The following HNRNPA2B1 variants were observed in gnomAD, a reference collection of about 807,000 sequenced individuals.
The protein encoded by HNRNPA2B1 is heterogeneous nuclear ribonucleoprotein A2/B1.
In HNRNPA2B1, 3 loss-of-function variants were observed where a neutral mutation model predicts 46.3. The ratio of observed to expected loss-of-function variants is 0.06; its 90% confidence interval spans 0.03 to 0.17. The LOEUF (loss-of-function observed/expected upper bound fraction) is 0.17, where lower values mean the gene tolerates loss of function less well. HNRNPA2B1 is among the 10% of genes least tolerant of loss of function. The pLI is 1.00. For missense variants in HNRNPA2B1, 221 were observed against 418.9 expected (o/e 0.53, Z 4.12); for synonymous variants, 225 against 133.8 (o/e 1.68, Z -4.70).
At chr7:26,197,062 C>G (rs776532421) in intron 3 of HNRNPA2B1, 45 bp from the exon 4 acceptor site, 3 of 1,479,992 alleles carry the variant, frequency 2.0e-6, no homozygotes, top group Non-Finnish European at 2.8e-6. Flanking sequence ...GAAAAAAACA[C>G]AAGCATAATT....
In HNRNPA2B1 at chr7:26,197,323, C is replaced by T; in HGVS notation, c.256G>A (p.Ala86Thr). Residue 86 changes from alanine to threonine, a missense_variant, in exon 3 of 11, where the codon GCA becomes ACA. Physicochemically the swap from Ala to Thr is moderately conservative, Grantham distance 58 (BLOSUM62 0). This residue lies in a region of HNRNPA2B1 where 78 missense variants were observed against 218.5 expected (regional missense o/e 0.36). Coordinates refer to ENST00000618183, the MANE Select transcript of HNRNPA2B1 (RefSeq NM_002137.4). The part of the protein sequence containing the change: ...GRVVEPKRAV[A>T]REESGKPGAH... ...AGTCATTGTTTGCTTACCTCTCTTG[C>T]TACAGCACGTTTTGGCTCAACTACT... 1 of 1,611,402 alleles carries T rather than the reference C, an allele frequency of 6.2e-7. No individual in the cohort carries two copies. Among genetic ancestry groups the T allele is most frequent in the Non-Finnish European group, 8.5e-7 (1 of 1,178,390 alleles).
At chr7:26,194,904 A>G (rs1193427544) in intron 7 of HNRNPA2B1, among the ~76,000 whole-genome samples, 1 of 151,432 alleles carries the variant, frequency 6.6e-6, no homozygotes, top group African/African-American at 2.4e-5. Context: ...GACCAGCCTG[A>G]CCAACATGGG....
chr7:26,193,345 A>G lies in HNRNPA2B1; in HGVS notation c.870T>C (p.Asp290=). ...AAGGTTGCTGGTTATAATTTCCAAA[A>G]TCATTGTAATTTCCACTTCCATAAT... The part of the protein sequence containing the change: ...GGNYGSGNYN[D]FGNYNQQPSN... The change falls in exon 9 of 11, where the codon GAT becomes GAC. Residue 290 remains aspartate, a synonymous_variant. Transcript: ENST00000618183. The G allele has an allele frequency of 1.9e-6, 3 of 1,612,072 alleles. No homozygotes were observed. The highest frequency in any genetic ancestry group is 1.7e-6 in the Non-Finnish European group (2 of 1,178,244).
intron 10 of HNRNPA2B1, 66 bp downstream of exon 10, chr7:26,192,429 A>T (rs1016183416): frequency 6.7e-6 from 7 of 1,046,360 alleles, no homozygotes; most frequent in Non-Finnish European, 1.0e-5. Context: ...TGATCCTAAA[A>T]AGCTTTTACT....
intron 6 of HNRNPA2B1, among the ~76,000 whole-genome samples, 187 bp from the exon 7 acceptor site, chr7:26,196,096 T>C (rs1370493199): frequency 1.3e-5 from 2 of 152,228 alleles, no homozygotes; most frequent in African/African-American, 4.8e-5. Context: ...AATTTTGGAC[T>C]CTTAACAAGT....
intron 7 of HNRNPA2B1, 190 bp downstream of exon 7, chr7:26,195,657 G>A (rs1246692708): frequency 3.5e-6 from 2 of 563,602 alleles, no homozygotes; most frequent in Non-Finnish European, 6.2e-6. Flanking sequence ...CATTTAAAAT[G>A]GCACTCTATT....
intron 7 of HNRNPA2B1, 90 bp from the exon 8 acceptor site, chr7:26,193,784 T>C (rs561875273): frequency 1.8e-6 from 2 of 1,102,312 alleles, no homozygotes; most frequent in East Asian, 5.0e-5. Flanking sequence ...CTTTCCAAGT[T>C]TCCATGTGAA....
intron 8 of HNRNPA2B1, 96 bp from the exon 9 acceptor site, chr7:26,193,469 C>T: frequency 6.5e-7 from 1 of 1,528,898 alleles, no homozygotes; most frequent in Non-Finnish European, 8.8e-7. Context: ...AACACTTATC[C>T]ACAAATTTTA....
intron 1 of HNRNPA2B1, chr7:26,198,046 AG>A (rs1181356671): frequency 6.8e-6 from 3 of 439,476 alleles, no homozygotes; most frequent in African/African-American, 6.2e-5. Context: ...AAACTTTCTA[AG>A]GAAAAATAAA....
intron 7 of HNRNPA2B1, 108 bp downstream of exon 7, chr7:26,195,739 T>C (rs1250398271): frequency 2.4e-5 from 30 of 1,247,384 alleles, no homozygotes; most frequent in East Asian, 8.1e-5. Context: ...AAGCCATTTA[T>C]AGACACTAAT....
In HNRNPA2B1 at chr7:26,193,844, C is replaced by T. The variant is rs1324381101; in HGVS notation, c.722-150G>A. The T allele has an allele frequency of 7.0e-6, 5 of 719,130 alleles. No individual in the cohort carries two copies. The East Asian group carries it at 1.2e-4, about 17-fold the overall frequency. 44.5% of individuals were successfully genotyped at this position (719,130 alleles called of 1,614,324 possible). A position where few individuals can be genotyped will look rare whatever the true frequency, so the allele number is the denominator to read the frequency against. ...TAGCTTCAAGGACTGAATAACTATC[C>T]TTGGTAAACATTTGGTGGCTGGGGT... On this transcript the variant is annotated intron_variant, in intron 7 of 10. Coordinates refer to ENST00000618183, the MANE Select transcript of HNRNPA2B1 (RefSeq NM_002137.4).
chr7:26,193,743 T>G (rs1414658681), intron 7 of HNRNPA2B1, 49 bp from the exon 8 acceptor site: 2 of 1,476,792 alleles, frequency 1.4e-6, no homozygotes, highest in Non-Finnish European at 1.9e-6. Flanking sequence ...TTCAATACCA[T>G]TTTGAACTGT....
In HNRNPA2B1 at chr7:26,200,608, C is replaced by G; in HGVS notation, c.-31G>C. 6.2e-7 allele frequency: 1 copy of G among 1,613,534 alleles called. No homozygotes were observed. Among genetic ancestry groups the G allele is most frequent in the Non-Finnish European group, 8.5e-7 (1 of 1,179,994 alleles). On this transcript the variant is annotated 5_prime_UTR_variant, in exon 1 of 11. Transcript: ENST00000618183. ...ACTCAGTCGCTTCAGCCCGATTTCCCGCAGCCGAGCGAGATGAGAGAGATC... is the reference window on the plus strand; with the variant it reads ...ACTCAGTCGCTTCAGCCCGATTTCCGGCAGCCGAGCGAGATGAGAGAGATC...
rs1044822684 is a variant in HNRNPA2B1, at chr7:26,191,398, A to C, written c.*962T>G. On this transcript the variant is annotated 3_prime_UTR_variant, in exon 11 of 11. Coordinates refer to ENST00000618183, the MANE Select transcript of HNRNPA2B1 (RefSeq NM_002137.4). ...TATCTTTTAGGGAGGAAAATTAAGA[A>C]AGGAAAAGTAAATAAGATCTTACCT... 6.6e-6 allele frequency: 1 copy of C among 152,200 alleles called. No individual in the cohort carries two copies. Among genetic ancestry groups the C allele is most frequent in the Non-Finnish European group, 1.5e-5 (1 of 68,014 alleles). The allele number at this position is 152,200 out of a possible 1,614,324, so 9.4% of individuals were successfully genotyped here.
Position 26,200,687 on chromosome 7 carries a change from C to T in HNRNPA2B1, c.-110G>A, listed in dbSNP as rs1184444882. On this transcript the variant is annotated 5_prime_UTR_variant, in exon 1 of 11. Transcript: ENST00000618183. Reference sequence around the variant, plus strand: ...CCTGGCGCTGTAGTGAGAACTGCCGCTGCTCGAGAAACAACTCTGCGAGGA... The same window carrying T: ...CCTGGCGCTGTAGTGAGAACTGCCGTTGCTCGAGAAACAACTCTGCGAGGA... 3.5e-5 allele frequency: 48 copies of T among 1,386,062 alleles called. No individual in the cohort carries two copies. The highest frequency in any genetic ancestry group is 4.4e-5 in the Non-Finnish European group (43 of 978,922). 85.9% of individuals were successfully genotyped at this position (1,386,062 alleles called of 1,614,324 possible). A position where few individuals can be genotyped will look rare whatever the true frequency, so the allele number is the denominator to read the frequency against.
chr7:26,198,218 A>G (rs1049315903), intron 1 of HNRNPA2B1: 2 of 184,822 alleles, frequency 1.1e-5, no homozygotes, highest in African/African-American at 4.7e-5. Flanking sequence ...CAATATCTGA[A>G]AAGTATCATT....
chr7:26,194,170 A>C (rs7806787), intron 7 of HNRNPA2B1, among the ~76,000 whole-genome samples: 1 of 151,868 alleles, frequency 6.6e-6, no homozygotes, highest in Non-Finnish European at 1.5e-5. Flanking sequence ...GCCGAGGCGG[A>C]CGGATCACGA....
rs980786325 is a variant in HNRNPA2B1, at chr7:26,191,722, A to C, written c.*638T>G. ...ATAATTTAATCCTGATGAATTGCAG[A>C]CAACACACTTACATCTGACCAGCAT... On this transcript the variant is annotated 3_prime_UTR_variant, in exon 11 of 11. Coordinates refer to ENST00000618183, the MANE Select transcript of HNRNPA2B1 (RefSeq NM_002137.4). 1 of 152,348 alleles carries C rather than the reference A, an allele frequency of 6.6e-6. No homozygotes were observed. The allele number at this position is 152,348 out of a possible 1,614,324, so 9.4% of individuals were successfully genotyped here. A position where few individuals can be genotyped will look rare whatever the true frequency, so the allele number is the denominator to read the frequency against.
At chr7:26,193,027 A>T in intron 9 of HNRNPA2B1, among the ~76,000 whole-genome samples, 1 of 152,280 alleles carries the variant, frequency 6.6e-6, no homozygotes, top group Non-Finnish European at 1.5e-5. Flanking sequence ...AAATTAAACT[A>T]CTGAACACCC....
Sources: gnomAD v4.1 joint callset for allele counts (sites outside exome capture counted in the v4.1 genomes callset) on GRCh38, gnomAD v4.1.1 for gene constraint, gnomAD v4.1.1 regional missense constraint, MANE v1.5 for transcripts, NCBI Gene and HGNC (gene_info 2026-07-23, HGNC 2026-07-21) for gene names.